Variants in MAST2 observed in about 807,000 individuals in gnomAD.
MAST2 encodes the protein microtubule-associated serine/threonine-protein kinase 2.
In MAST2, 70 loss-of-function variants were observed where a neutral mutation model predicts 147.4. The observed-to-expected ratio is 0.47, with a 90% CI of 0.39 to 0.58. The LOEUF (loss-of-function observed/expected upper bound fraction) is 0.58, where lower values mean the gene tolerates loss of function less well. Among genes scored for constraint, MAST2 ranks in the 20% least tolerant of loss-of-function variants. The pLI is 0.00. For synonymous variants in MAST2, 869 were observed against 896.8 expected (o/e 0.97, Z 0.55); for missense variants, 2,080 against 2,302.3 (o/e 0.90, Z 1.98).
At chr1:45,912,195 G>C (rs893970417) in intron 4 of MAST2, among the ~76,000 whole-genome samples, 28 of 152,310 alleles carry the variant, frequency 1.8e-4, no homozygotes, top group African/African-American at 6.5e-4. Context: ...GAGAGGAAAA[G>C]TGAGGGCTTG....
intron 4 of MAST2, among the ~76,000 whole-genome samples, chr1:45,927,311 A>G (rs917018598): frequency 1.3e-5 from 2 of 152,188 alleles, no homozygotes; most frequent in African/African-American, 4.8e-5. Context: ...TTTGAGATCA[A>G]CCGGTCTGAC....
At chr1:45,804,146 C>T (rs1268064471) in intron 1 of MAST2, 74 bp downstream of exon 1, 1 of 1,268,202 alleles carries the variant, frequency 7.9e-7, no homozygotes, top group Admixed American at 4.3e-5. Flanking sequence ...GCGGGAGGAC[C>T]CGGGCTGGAG....
chr1:45,882,200 A>T (rs1411366123), intron 3 of MAST2, among the ~76,000 whole-genome samples, 164 bp from the exon 4 acceptor site: 6 of 126,192 alleles, frequency 4.8e-5, no homozygotes, highest in Admixed American at 1.7e-4. Context: ...TCAAAAAAAA[A>T]AAAAAATAAA....
At chr1:45,910,637 G>T (rs981921338) in intron 4 of MAST2, among the ~76,000 whole-genome samples, 1 of 152,178 alleles carries the variant, frequency 6.6e-6, no homozygotes, top group Non-Finnish European at 1.5e-5. Flanking sequence ...ACTGTGAATT[G>T]GAACAGGAAG....
At chr1:45,833,416 T>TA (rs1384552812) in intron 3 of MAST2, among the ~76,000 whole-genome samples, 2 of 152,110 alleles carry the variant, frequency 1.3e-5, no homozygotes, top group Admixed American at 1.3e-4. Context: ...AAAAATTACA[T>TA]AGAGTGAAAA....
chr1:45,918,571 G>GA (rs1342966035), intron 4 of MAST2, among the ~76,000 whole-genome samples: 2 of 152,130 alleles, frequency 1.3e-5, no homozygotes, highest in Non-Finnish European at 2.9e-5. Flanking sequence ...CCGAGTAGCT[G>GA]GGATTACAGG....
chr1:45,900,983 G>A (rs569836486), intron 4 of MAST2, among the ~76,000 whole-genome samples: 20 of 152,034 alleles, frequency 1.3e-4, no homozygotes, highest in Non-Finnish European at 2.5e-4. Flanking sequence ...TTCTTGTGCT[G>A]TACAGAAGCT....
At chr1:45,922,411 G>A (rs1653658812) in intron 4 of MAST2, among the ~76,000 whole-genome samples, 1 of 152,180 alleles carries the variant, frequency 6.6e-6, no homozygotes, top group South Asian at 2.1e-4. Flanking sequence ...GTGCCTGCAG[G>A]CCAGCACTGG....
intron 3 of MAST2, 105 bp downstream of exon 3, chr1:45,829,686 T>C (rs770583346): frequency 4.1e-6 from 5 of 1,212,886 alleles, no homozygotes; most frequent in Admixed American, 4.5e-5. Context: ...GAGAATTCAG[T>C]TTCCCAAAAT....
chr1:45,922,671 G>A (rs1364593443), intron 4 of MAST2, among the ~76,000 whole-genome samples: 2 of 152,160 alleles, frequency 1.3e-5, no homozygotes, highest in Non-Finnish European at 1.5e-5. Flanking sequence ...GCCTTCCTAG[G>A]CCCGAGAGTT....
At chr1:45,846,418 A>G (rs1645436631) in intron 3 of MAST2, among the ~76,000 whole-genome samples, 1 of 152,192 alleles carries the variant, frequency 6.6e-6, no homozygotes. Context: ...CCTTAGTTAT[A>G]TTGCTCCCCC....
intron 4 of MAST2, among the ~76,000 whole-genome samples, chr1:45,904,704 G>T (rs1227451423): frequency 6.6e-6 from 1 of 152,126 alleles, no homozygotes; most frequent in Non-Finnish European, 1.5e-5. Flanking sequence ...GAGTTCAAGT[G>T]ATCCACCCTG....
chr1:45,948,867 A>G (rs1231163108), intron 4 of MAST2, among the ~76,000 whole-genome samples: 1 of 152,142 alleles, frequency 6.6e-6, no homozygotes, highest in South Asian at 2.1e-4. Flanking sequence ...AGGGACATAA[A>G]CCAATAGAAC....
chr1:45,854,999 G>A (rs1266728965), intron 3 of MAST2, among the ~76,000 whole-genome samples: 1 of 152,140 alleles, frequency 6.6e-6, no homozygotes, highest in Non-Finnish European at 1.5e-5. Flanking sequence ...CTATCCTCCA[G>A]GTACCTGCAT....
At chr1:45,994,134 T>A (rs1488681839) in intron 5 of MAST2, among the ~76,000 whole-genome samples, 1 of 152,086 alleles carries the variant, frequency 6.6e-6, no homozygotes, top group Non-Finnish European at 1.5e-5. Context: ...GAGCTTTGTG[T>A]CCAGAGTGAG....
intron 2 of MAST2, among the ~76,000 whole-genome samples, chr1:45,827,942 TCTC>T (rs1382752314): frequency 6.6e-6 from 1 of 151,548 alleles, no homozygotes; most frequent in Non-Finnish European, 1.5e-5. Flanking sequence ...CCTCCCCGCT[TCTC>T]CTCAGCCTCC....
At position 46,004,070 on chromosome 1, in the gene MAST2, A is replaced by G. The variant is rs945092726; in HGVS notation, c.747+1187A>G. Among the ~76,000 whole-genome samples, 13 of 152,258 alleles carry G rather than the reference A, an allele frequency of 8.5e-5. No homozygotes were observed. The East Asian group carries it at 2.5e-3, about 29-fold the overall frequency. On this transcript the variant is annotated intron_variant, in intron 7 of 28. Transcript: ENST00000361297. ...AGTTTAAGATCTTTCTCTAATAAAC[A>G]TTCCCCTTCCCGGGCCAGGCGCAGT... is the stretch of plus-strand genomic sequence containing the variant.
chr1:45,948,827 A>G (rs973623422), intron 4 of MAST2, among the ~76,000 whole-genome samples: 8 of 152,042 alleles, frequency 5.3e-5, no homozygotes, highest in African/African-American at 1.7e-4. Flanking sequence ...GGCTACAGTA[A>G]TTAAAACAGC....
rs556862805 is a variant in MAST2 at position 45,905,243 on chromosome 1, C to T, written c.500+22848C>T. On this transcript the variant is annotated intron_variant, in intron 4 of 28. Transcript: ENST00000361297. ...TCAGGCTGGAATGCAGTGGCACCAT[C>T]TCAGCTCACTGCAACCTCCACCTCC... Among the ~76,000 whole-genome samples the T allele has an allele frequency of 5.4e-5, 8 of 147,138 alleles. No individual in the cohort carries two copies. In the Admixed American group the frequency reaches 5.5e-4, roughly 10 times the overall value.
Sources: allele counts gnomAD v4.1 joint callset (sites outside exome capture counted in the v4.1 genomes callset), GRCh38; gene constraint gnomAD v4.1.1; transcripts MANE v1.5; gene names NCBI Gene and HGNC (gene_info 2026-07-23, HGNC 2026-07-21).